Variants in TPTE2 observed in about 807,000 individuals in gnomAD.
TPTE2 encodes phosphatidylinositol 3,4,5-trisphosphate 3-phosphatase TPTE2.
In TPTE2, 53 loss-of-function variants were observed where a neutral mutation model predicts 78.6. That is an observed-to-expected ratio of 0.67 (90% CI 0.54 to 0.85). The LOEUF is 0.85. Ranked by LOEUF, TPTE2 falls within the 40% of genes least tolerant of loss-of-function variation. The pLI is 0.00. For missense variants in TPTE2, 461 were observed against 623.0 expected (o/e 0.74, Z 2.77); for synonymous variants, 175 against 206.2 (o/e 0.85, Z 1.30).
At chr13:19,428,731 G>GA (rs375990972) in intron 17 of TPTE2, among the ~76,000 whole-genome samples, 1,955 of 142,394 alleles carry the variant, frequency 0.014, 34 homozygotes, top group African/African-American at 0.044. Flanking sequence ...CCTGGCTCAG[G>GA]AAAAAAAAAA....
At chr13:19,532,947 T>C (rs1033506145) in intron 1 of TPTE2, among the ~76,000 whole-genome samples, 3 of 151,870 alleles carry the variant, frequency 2.0e-5, no homozygotes, top group African/African-American at 7.3e-5. Context: ...GGAAGTCAAT[T>C]TATGATGACA....
the TPTE2 span, among the ~76,000 whole-genome samples, chr13:19,553,336 G>C: frequency 6.6e-6 from 1 of 152,148 alleles, no homozygotes; most frequent in African/African-American, 2.4e-5. Context: ...ACCAGTTACT[G>C]CTGCTGGGAA....
At chr13:19,487,072 C>T (rs1336851044) in intron 3 of TPTE2, among the ~76,000 whole-genome samples, 3 of 152,194 alleles carry the variant, frequency 2.0e-5, no homozygotes, top group Non-Finnish European at 4.4e-5. Context: ...GACTATTTCT[C>T]AGGCTCGTGC....
At chr13:19,426,842 C>T (rs1315063114) in intron 17 of TPTE2, among the ~76,000 whole-genome samples, 1 of 151,728 alleles carries the variant, frequency 6.6e-6, no homozygotes, top group African/African-American at 2.4e-5. Context: ...GTAGCTGGGA[C>T]TATAGGCACA....
At chr13:19,462,063 C>G (rs1418493933) in intron 10 of TPTE2, among the ~76,000 whole-genome samples, 1 of 148,100 alleles carries the variant, frequency 6.8e-6, no homozygotes, top group Non-Finnish European at 1.5e-5. Context: ...TCATTTTTTT[C>G]TGGTTGTTTT....
intron 10 of TPTE2, among the ~76,000 whole-genome samples, chr13:19,451,792 T>C (rs1191747431): frequency 2.0e-5 from 3 of 149,318 alleles, no homozygotes; most frequent in Admixed American, 6.9e-5. Flanking sequence ...TAAATGAAGA[T>C]ATATGTGTAC....
At chr13:19,459,598 G>T (rs1287332617) in intron 10 of TPTE2, among the ~76,000 whole-genome samples, 1 of 152,018 alleles carries the variant, frequency 6.6e-6, no homozygotes, top group East Asian at 1.9e-4. Flanking sequence ...TGGCTGAGTT[G>T]ACCAAACTGC....
chr13:19,555,661 A>G, the TPTE2 span, among the ~76,000 whole-genome samples: 4 of 152,176 alleles, frequency 2.6e-5, no homozygotes, highest in Non-Finnish European at 5.9e-5. Context: ...TAAAACTTCA[A>G]TGCTTCCTTG....
chr13:19,534,969 G>A (rs886604537), intron 1 of TPTE2, among the ~76,000 whole-genome samples: 39 of 152,178 alleles, frequency 2.6e-4, no homozygotes, highest in African/African-American at 9.4e-4. Context: ...TCGGGAGGCC[G>A]AGACGGGTGT....
At chr13:19,540,167 C>T (rs1277165492), upstream of TPTE2, among the ~76,000 whole-genome samples, 2 of 151,786 alleles carry the variant, frequency 1.3e-5, no homozygotes, top group African/African-American at 4.8e-5. Context: ...AAAATAAATC[C>T]TATTGGAATT....
intron 1 of TPTE2, among the ~76,000 whole-genome samples, chr13:19,514,594 T>A (rs1417230625): frequency 2.1e-5 from 2 of 96,638 alleles, no homozygotes; most frequent in African/African-American, 6.8e-5. Flanking sequence ...CTTCTGAGAG[T>A]GTGTGTGTGT....
chr13:19,546,483 C>CTTTTTTTTTTTTTTTTT, the TPTE2 span, among the ~76,000 whole-genome samples: 1 of 85,022 alleles, frequency 1.2e-5, no homozygotes, highest in South Asian at 5.0e-4. Context: ...TTTTCTTTTT[C>CTTTTTTTTTTTTTTTTT]TTTTTTTTTT....
At position 19,526,929 on chromosome 13, in the gene TPTE2, A is replaced by C. The variant is rs557960096; in HGVS notation, c.-44+9667T>G. On this transcript the variant is annotated intron_variant, in intron 1 of 17. Coordinates refer to the TPTE2 transcript ENST00000390680. ...CAGGTCAGATTTAGGATTTTACGTG[A>C]AATTATTACTGCTGGAAAACCAACA... is the stretch of plus-strand genomic sequence containing the variant. Among the ~76,000 whole-genome samples, 31 of 152,302 alleles carry C rather than the reference A, an allele frequency of 2.0e-4. 1 individual carries two copies. The highest frequency in any genetic ancestry group is 3.2e-4 in the Non-Finnish European group (22 of 68,022).
chr13:19,495,768 A>AT (rs1371890455), intron 1 of TPTE2, among the ~76,000 whole-genome samples: 3 of 152,250 alleles, frequency 2.0e-5, no homozygotes, highest in Non-Finnish European at 4.4e-5. Flanking sequence ...AGAACTTAAC[A>AT]TGTACATAGT....
chr13:19,496,849 C>T (rs1342424171), intron 1 of TPTE2, among the ~76,000 whole-genome samples: 4 of 152,194 alleles, frequency 2.6e-5, no homozygotes, highest in Non-Finnish European at 2.9e-5. Flanking sequence ...GCGTGAGCGA[C>T]GCGGAAGACA....
At chr13:19,471,597 T>C (rs909549450) in intron 6 of TPTE2, among the ~76,000 whole-genome samples, 7 of 151,012 alleles carry the variant, frequency 4.6e-5, no homozygotes, top group African/African-American at 1.7e-4. Context: ...TTTAACTTTT[T>C]GTTATTTCTA....
the TPTE2 span, among the ~76,000 whole-genome samples, chr13:19,541,889 A>T: frequency 1.9e-4 from 29 of 152,314 alleles, no homozygotes; most frequent in East Asian, 4.6e-3. Flanking sequence ...GGAATAATTT[A>T]TATAAGATTG....
intron 1 of TPTE2, among the ~76,000 whole-genome samples, chr13:19,510,685 A>C (rs1385274955): frequency 6.6e-6 from 1 of 152,204 alleles, no homozygotes; most frequent in Non-Finnish European, 1.5e-5. Context: ...TAACATAATC[A>C]CTTTGAAAAT....
chr13:19,453,738 A>G (rs1878354336), intron 10 of TPTE2, among the ~76,000 whole-genome samples: 1 of 152,132 alleles, frequency 6.6e-6, no homozygotes, highest in African/African-American at 2.4e-5. Context: ...CCAGATGGAC[A>G]GTTTCTGTTT....
Sources: allele counts gnomAD v4.1 joint callset (sites outside exome capture counted in the v4.1 genomes callset), GRCh38; gene constraint gnomAD v4.1.1; transcripts MANE v1.5; gene names NCBI Gene and HGNC (gene_info 2026-07-23, HGNC 2026-07-21).